Variants in ALLC observed in about 807,000 individuals in gnomAD.
The protein encoded by ALLC is probable inactive allantoicase.
Under a neutral mutation model 45.0 loss-of-function variants are expected in ALLC, and 40 were observed. The ratio of observed to expected loss-of-function variants is 0.89; its 90% confidence interval spans 0.69 to 1.16. ALLC has a LOEUF of 1.16. Ranked by LOEUF, ALLC falls within the 50% of genes most tolerant of loss-of-function variation. The pLI, the probability that ALLC is intolerant of heterozygous loss-of-function variation, is 0.00. For synonymous variants in ALLC, 176 were observed against 178.1 expected, an observed-to-expected ratio of 0.99 and a Z score of 0.09; for missense variants, 488 against 493.1, an observed-to-expected ratio of 0.99 and a Z score of 0.10.
the ALLC span, among the ~76,000 whole-genome samples, chr2:3,651,035 GC>G: frequency 6.6e-6 from 1 of 152,200 alleles, no homozygotes; most frequent in Non-Finnish European, 1.5e-5. Flanking sequence ...TAAGGAGAGA[GC>G]CGGGATTTAT....
At chr2:3,675,100 G>A (rs578026695) in intron 3 of ALLC, among the ~76,000 whole-genome samples, 1 of 152,300 alleles carries the variant, frequency 6.6e-6, no homozygotes, top group African/African-American at 2.4e-5. Flanking sequence ...GTGGCTACTA[G>A]AATGAGGTAG....
At chr2:3,671,527 G>C (rs1382934126) in intron 2 of ALLC, among the ~76,000 whole-genome samples, 5 of 151,676 alleles carry the variant, frequency 3.3e-5, no homozygotes, top group Admixed American at 2.0e-4. Flanking sequence ...GGTTAGATAG[G>C]AGGTCCTCTG....
rs372645042 is a variant in ALLC, at chr2:3,701,615, A to G, written c.954A>G (p.Lys318=). Residue 318 remains lysine, a synonymous_variant, in exon 11 of 12, where the codon AAA becomes AAG. Transcript: ENST00000252505. ...GGATTCTCCCGGCCCACAAGTGGAA[A>G]CCACTGCTTCCAGTGACCAAGGTTC... ...QKWILPAHKW[K]PLLPVTKLSP... is the part of the protein sequence containing the mutation. 1.7e-5 allele frequency: 28 copies of G among 1,611,720 alleles called. No homozygotes were observed. The African/African-American group carries it at 3.1e-4, about 18-fold the overall frequency.
chr2:3,677,732 C>T (rs1667062162), intron 3 of ALLC, among the ~76,000 whole-genome samples: 1 of 152,216 alleles, frequency 6.6e-6, no homozygotes. Flanking sequence ...GGTCCTGCTA[C>T]CCCTAGTCCC....
chr2:3,695,895 G>A (rs570589470), intron 8 of ALLC, 23 bp downstream of exon 8: 1 of 1,580,696 alleles, frequency 6.3e-7, no homozygotes, highest in Admixed American at 1.9e-5. Context: ...TCTTGGAGCT[G>A]GCTTATTTAG....
At chr2:3,648,375 T>C in the ALLC span, among the ~76,000 whole-genome samples, 1 of 152,184 alleles carries the variant, frequency 6.6e-6, no homozygotes, top group African/African-American at 2.4e-5. Flanking sequence ...GCCAAGACGC[T>C]CCTGACACTG....
At chr2:3,651,305 TGGGTGGGTGG>T in the ALLC span, among the ~76,000 whole-genome samples, 258 of 23,366 alleles carry the variant, frequency 0.011, 39 homozygotes, top group Non-Finnish European at 0.016. Flanking sequence ...TTTGGGTGGG[TGGGTGGGTGG>T]GGGGGGTGTG....
At chr2:3,652,848 C>T in the ALLC span, among the ~76,000 whole-genome samples, 460 of 152,262 alleles carry the variant, frequency 3.0e-3, 26 homozygotes, top group East Asian at 0.076. Context: ...TCCCAAAACG[C>T]TAGGATTACA....
At chr2:3,659,586 C>T (rs984026285) in intron 1 of ALLC, among the ~76,000 whole-genome samples, 1 of 152,254 alleles carries the variant, frequency 6.6e-6, no homozygotes, top group South Asian at 2.1e-4. Flanking sequence ...CTGTGAGCTG[C>T]TGAGCTGGTG....
At chr2:3,679,791 T>C in intron 4 of ALLC, 78 bp from the exon 5 acceptor site, 2 of 1,588,326 alleles carry the variant, frequency 1.3e-6, no homozygotes, top group East Asian at 2.3e-5. Flanking sequence ...GTCAGGTGCA[T>C]GTGGGGTGCA....
At chr2:3,670,199 C>CA (rs1324523643) in intron 1 of ALLC, among the ~76,000 whole-genome samples, 1 of 152,178 alleles carries the variant, frequency 6.6e-6, no homozygotes, top group African/African-American at 2.4e-5. Context: ...GTTTCATAGA[C>CA]AAAATGGTAT....
At chr2:3,674,053 C>G in intron 2 of ALLC, 22 bp from the exon 3 acceptor site, 23 of 1,498,458 alleles carry the variant, frequency 1.5e-5, no homozygotes, top group Non-Finnish European at 1.8e-5. Flanking sequence ...CTTTATCTTT[C>G]TTTCTTTCTT....
chr2:3,686,815 GT>G (rs200421907), intron 7 of ALLC, among the ~76,000 whole-genome samples: 1,834 of 151,224 alleles, frequency 0.012, 69 homozygotes, highest in African/African-American at 0.041. Context: ...TACTGAATTA[GT>G]TTATCAGTTC....
chr2:3,647,204 GAC>G, the ALLC span, among the ~76,000 whole-genome samples: 5 of 152,118 alleles, frequency 3.3e-5, no homozygotes, highest in Non-Finnish European at 7.4e-5. Context: ...TGTTCAACGC[GAC>G]ACACACATAC....
chr2:3,646,669 G>T, the ALLC span, among the ~76,000 whole-genome samples: 1 of 152,166 alleles, frequency 6.6e-6, no homozygotes, highest in Non-Finnish European at 1.5e-5. Context: ...CTTCATTGGC[G>T]CAGACTCTGT....
chr2:3,675,040 AT>A (rs1226412182), intron 3 of ALLC, among the ~76,000 whole-genome samples: 2 of 152,160 alleles, frequency 1.3e-5, no homozygotes, highest in Non-Finnish European at 2.9e-5. Context: ...GTGTTCATTG[AT>A]TGATAGGGAA....
chr2:3,663,111 A>G (rs1370077964), intron 1 of ALLC, among the ~76,000 whole-genome samples: 2 of 152,250 alleles, frequency 1.3e-5, no homozygotes, highest in Non-Finnish European at 2.9e-5. Flanking sequence ...TCTGTTACAA[A>G]GACACATGCA....
intron 3 of ALLC, among the ~76,000 whole-genome samples, chr2:3,676,733 C>T (rs1179815232): frequency 6.6e-6 from 1 of 152,148 alleles, no homozygotes; most frequent in Non-Finnish European, 1.5e-5. Flanking sequence ...CATCCTTGTA[C>T]AAGTGTGTGC....
chr2:3,651,414 T>C, the ALLC span, among the ~76,000 whole-genome samples: 1 of 51,596 alleles, frequency 1.9e-5, no homozygotes, highest in Admixed American at 2.8e-4. Context: ...TGTGTGTGTG[T>C]GTGTGTGTGT....
Sources: gnomAD v4.1 joint callset for allele counts (sites outside exome capture counted in the v4.1 genomes callset) on GRCh38, gnomAD v4.1.1 for gene constraint, MANE v1.5 for transcripts, NCBI Gene and HGNC (gene_info 2026-07-23, HGNC 2026-07-21) for gene names.